Variants in RALYL observed in about 807,000 individuals in gnomAD.
RALYL encodes RNA-binding Raly-like protein.
Under a neutral mutation model 35.1 loss-of-function variants are expected in RALYL, and 29 were observed. The ratio of observed to expected loss-of-function variants is 0.83; its 90% CI spans 0.61 to 1.13. RALYL has a LOEUF of 1.13. RALYL is among the 50% of genes most tolerant of loss of function. RALYL has a pLI of 0.00. For missense variants in RALYL, 359 were observed against 360.4 expected, an observed-to-expected ratio of 1.00 and a Z score of 0.03; for synonymous variants, 120 against 127.6, an observed-to-expected ratio of 0.94 and a Z score of 0.40.
chr8:84,359,054 A>G (rs185198778), intron 1 of RALYL, among the ~76,000 whole-genome samples: 3 of 152,196 alleles, frequency 2.0e-5, no homozygotes, highest in African/African-American at 7.2e-5. Flanking sequence ...TGACAAATTG[A>G]AAAGTATACA....
At chr8:84,506,899 G>A (rs998247186) in intron 1 of RALYL, among the ~76,000 whole-genome samples, 1 of 151,968 alleles carries the variant, frequency 6.6e-6, no homozygotes, top group Non-Finnish European at 1.5e-5. Flanking sequence ...CAAAGGTAAT[G>A]AAAGTTTTTA....
chr8:84,854,282 G>A (rs891775912), intron 5 of RALYL, among the ~76,000 whole-genome samples: 8 of 151,878 alleles, frequency 5.3e-5, no homozygotes, highest in Non-Finnish European at 1.0e-4. Context: ...GGAGGCAGAG[G>A]TTGCAGTGAG....
intron 2 of RALYL, among the ~76,000 whole-genome samples, chr8:84,757,644 C>T (rs1447897117): frequency 6.6e-6 from 1 of 152,078 alleles, no homozygotes; most frequent in African/African-American, 2.4e-5. Flanking sequence ...GGAGGTGGAA[C>T]TGGGCTACCT....
chr8:84,286,838 A>G (rs920142346), intron 1 of RALYL, among the ~76,000 whole-genome samples: 1 of 152,184 alleles, frequency 6.6e-6, no homozygotes, highest in Non-Finnish European at 1.5e-5. Context: ...GCCCTTCAGA[A>G]GAGGCCATTT....
intron 1 of RALYL, among the ~76,000 whole-genome samples, chr8:84,256,701 C>T (rs1161000187): frequency 1.3e-5 from 2 of 152,052 alleles, no homozygotes; most frequent in African/African-American, 4.8e-5. Context: ...ATTCACTTTT[C>T]TTATTCTAAG....
intron 2 of RALYL, among the ~76,000 whole-genome samples, chr8:84,622,943 C>A (rs1478759285): frequency 6.6e-6 from 1 of 152,134 alleles, no homozygotes; most frequent in African/African-American, 2.4e-5. Context: ...TTAAAGACTG[C>A]ACCTTTTTGA....
intron 2 of RALYL, among the ~76,000 whole-genome samples, chr8:84,577,600 A>T (rs1254671213): frequency 6.6e-6 from 1 of 152,222 alleles, no homozygotes; most frequent in Non-Finnish European, 1.5e-5. Context: ...TGTTAATATG[A>T]ATTCCCCTTT....
At chr8:84,648,069 A>AG (rs748599656) in intron 2 of RALYL, among the ~76,000 whole-genome samples, 1 of 152,080 alleles carries the variant, frequency 6.6e-6, no homozygotes, top group Non-Finnish European at 1.5e-5. Context: ...ATATTGTGTT[A>AG]GGGACTCTCC....
intron 1 of RALYL, among the ~76,000 whole-genome samples, chr8:84,282,689 A>G (rs1836804467): frequency 1.2e-5 from 1 of 86,016 alleles, no homozygotes; most frequent in African/African-American, 6.0e-5. Context: ...TCTAAGCAAG[A>G]ATTAAAACGT....
intron 1 of RALYL, among the ~76,000 whole-genome samples, chr8:84,235,520 A>T (rs1418004027): frequency 6.6e-6 from 1 of 152,220 alleles, no homozygotes; most frequent in Non-Finnish European, 1.5e-5. Flanking sequence ...GCATGGCCAG[A>T]AGATAACCTC....
chr8:84,733,514 A>G (rs1277994874), intron 2 of RALYL, among the ~76,000 whole-genome samples: 2 of 152,156 alleles, frequency 1.3e-5, no homozygotes, highest in South Asian at 2.1e-4. Context: ...AATAGTATTG[A>G]TACTAGGAGC....
At chr8:84,706,717 A>G (rs957395220) in intron 2 of RALYL, among the ~76,000 whole-genome samples, 2 of 152,174 alleles carry the variant, frequency 1.3e-5, no homozygotes, top group Admixed American at 6.6e-5. Flanking sequence ...AACAAAGATT[A>G]TTATGGAACT....
intron 8 of RALYL, among the ~76,000 whole-genome samples, chr8:84,915,009 T>C (rs905268066): frequency 6.6e-6 from 1 of 152,034 alleles, no homozygotes; most frequent in African/African-American, 2.4e-5. Flanking sequence ...AGGCAAATCA[T>C]TCATTCTCTG....
intron 1 of RALYL, among the ~76,000 whole-genome samples, chr8:84,376,659 G>A (rs1856969169): frequency 6.6e-6 from 1 of 151,842 alleles, no homozygotes. Context: ...TAGAAGAGTA[G>A]TCAAATCAGA....
chr8:84,694,466 C>G (rs1376591456), intron 2 of RALYL, among the ~76,000 whole-genome samples: 1 of 151,684 alleles, frequency 6.6e-6, no homozygotes, highest in Non-Finnish European at 1.5e-5. Context: ...GTAGAAGACA[C>G]AAATAAGTAG....
intron 1 of RALYL, among the ~76,000 whole-genome samples, chr8:84,399,418 G>A (rs549149429): frequency 6.6e-6 from 1 of 152,114 alleles, no homozygotes; most frequent in Non-Finnish European, 1.5e-5. Flanking sequence ...AAAATGTACA[G>A]GAACATAGAT....
At chr8:84,830,943 T>C (rs1830799079) in intron 4 of RALYL, among the ~76,000 whole-genome samples, 1 of 152,110 alleles carries the variant, frequency 6.6e-6, no homozygotes, top group Admixed American at 6.5e-5. Flanking sequence ...ATGCCCCATT[T>C]GAAGCAGTAA....
At chr8:84,535,438 C>CTTT (rs35056318) in intron 2 of RALYL, among the ~76,000 whole-genome samples, 7 of 134,606 alleles carry the variant, frequency 5.2e-5, no homozygotes, top group East Asian at 2.2e-4. Flanking sequence ...GCATCCCTGC[C>CTTT]TTTTTTTTTT....
intron 1 of RALYL, among the ~76,000 whole-genome samples, chr8:84,337,868 A>G (rs1009193338): frequency 6.6e-6 from 1 of 152,104 alleles, no homozygotes; most frequent in Non-Finnish European, 1.5e-5. Flanking sequence ...TGTGCCATCC[A>G]CTTTTCCTAT....
Sources: allele counts gnomAD v4.1 joint callset (sites outside exome capture counted in the v4.1 genomes callset), GRCh38; gene constraint gnomAD v4.1.1; transcripts MANE v1.5; gene names NCBI Gene and HGNC (gene_info 2026-07-23, HGNC 2026-07-21).